Variants in CHEK2 observed in about 807,000 individuals in gnomAD.
The protein encoded by CHEK2 is serine/threonine-protein kinase Chk2.
A neutral mutation model predicts 69.1 loss-of-function variants in CHEK2; 71 were observed. That is an observed-to-expected ratio of 1.03 (90% CI 0.85 to 1.25). The LOEUF is 1.25. CHEK2 is among the 50% of genes most tolerant of loss of function. CHEK2 has a pLI of 0.00. For missense variants in CHEK2, 664 were observed against 649.6 expected (o/e 1.02, Z -0.24); for synonymous variants, 189 against 226.9 (o/e 0.83, Z 1.50).
Position 28,719,536 on chromosome 22 carries a change from C to T in CHEK2, c.593-51G>A, listed in dbSNP as rs768118518. On this transcript the variant is annotated intron_variant, in intron 4 of 14. Coordinates refer to ENST00000404276, the MANE Select transcript of CHEK2 (RefSeq NM_007194.4). ...GTTTCATTAATTTATTCACAAGAGG[C>T]GATCACTGATTCTAAAATTTATTCA... 34 of 1,030,342 alleles carry T rather than the reference C, an allele frequency of 3.3e-5. No individual in the cohort carries two copies. In the East Asian group the frequency reaches 6.4e-4, roughly 19 times the overall value. 63.8% of individuals were successfully genotyped at this position (1,030,342 alleles called of 1,614,324 possible).
At chr22:28,693,679 C>T (rs371425086) in intron 13 of CHEK2, among the ~76,000 whole-genome samples, 2 of 152,168 alleles carry the variant, frequency 1.3e-5, no homozygotes, top group African/African-American at 2.4e-5. Context: ...GCCAGCACGG[C>T]GAAACCCCAT....
At chr22:28,726,380 TAAAC>T (rs2054012058) in intron 2 of CHEK2, 2 of 147,876 alleles carry the variant, frequency 1.4e-5, no homozygotes, top group South Asian at 4.2e-4. Flanking sequence ...AAAAAATAAA[TAAAC>T]AAATATTTAA....
At chr22:28,708,025 G>C (rs1489011232) in intron 7 of CHEK2, among the ~76,000 whole-genome samples, 1 of 151,772 alleles carries the variant, frequency 6.6e-6, no homozygotes, top group Non-Finnish European at 1.5e-5. Context: ...ATTTTTAGTA[G>C]AGACGGGATT....
At position 28,694,027 on chromosome 22, in the gene CHEK2, C is replaced by A. The variant is rs769841229; in HGVS notation, c.1461+5G>T. 6.3e-7 allele frequency: 1 copy of A among 1,588,812 alleles called. No homozygotes were observed. Among genetic ancestry groups the A allele is most frequent in the East Asian group, 2.2e-5 (1 of 44,822 alleles). On this transcript the variant is annotated splice_donor_5th_base_variant and intron_variant, in intron 13 of 14. Coordinates refer to ENST00000404276, the MANE Select transcript of CHEK2 (RefSeq NM_007194.4). ...TTATGCTAGCAGGCACTGTCCCACA[C>A]CCACCTGAAGCCACGGGTGTCTTAA... is the stretch of plus-strand genomic sequence containing the variant.
chr22:28,723,327 G>C (rs889233322), intron 4 of CHEK2, among the ~76,000 whole-genome samples: 2 of 152,146 alleles, frequency 1.3e-5, no homozygotes, highest in African/African-American at 4.8e-5. Flanking sequence ...GGCCGGGCGC[G>C]GTGGCTCACG....
At chr22:28,709,100 G>A (rs747202605) in intron 7 of CHEK2, 3 of 189,330 alleles carry the variant, frequency 1.6e-5, no homozygotes, top group South Asian at 7.3e-5. Context: ...AGGAAGAAAC[G>A]GGAAAAAAAC....
intron 2 of CHEK2, chr22:28,729,366 C>T (rs1276580731): frequency 1.1e-5 from 2 of 183,278 alleles, no homozygotes; most frequent in Admixed American, 1.3e-4. Flanking sequence ...CACGGTGAAA[C>T]CCCGTCTCTA....
At chr22:28,688,753 C>A (rs2052225108) in intron 14 of CHEK2, among the ~76,000 whole-genome samples, 1 of 152,098 alleles carries the variant, frequency 6.6e-6, no homozygotes, top group Admixed American at 6.6e-5. Flanking sequence ...AAAAGCAGGA[C>A]TGGAATTAAC....
intron 7 of CHEK2, among the ~76,000 whole-genome samples, chr22:28,708,478 G>T (rs777112867): frequency 2.6e-5 from 4 of 151,314 alleles, no homozygotes; most frequent in Non-Finnish European, 5.9e-5. Flanking sequence ...AAAAGAAACA[G>T]AAGAAAGCCA....
chr22:28,738,544 C>T (rs919785369), intron 1 of CHEK2, among the ~76,000 whole-genome samples: 3 of 152,052 alleles, frequency 2.0e-5, no homozygotes, highest in Non-Finnish European at 4.4e-5. Context: ...TGTAATACTC[C>T]CCCCACCCAC....
intron 2 of CHEK2, among the ~76,000 whole-genome samples, chr22:28,725,952 C>A (rs1028883009): frequency 2.0e-5 from 3 of 148,392 alleles, no homozygotes; most frequent in East Asian, 2.0e-4. Context: ...TGCCTGTAAT[C>A]CCAGCACTTT....
intron 4 of CHEK2, chr22:28,721,418 C>T (rs1042120133): frequency 1.7e-4 from 51 of 298,964 alleles, no homozygotes; most frequent in Middle Eastern, 1.5e-3. Flanking sequence ...CCCTGAGTAG[C>T]TGGGATTACA....
chr22:28,711,583 T>C (rs997639167), intron 6 of CHEK2, among the ~76,000 whole-genome samples: 1 of 152,158 alleles, frequency 6.6e-6, no homozygotes, highest in Non-Finnish European at 1.5e-5. Flanking sequence ...GTGGGGATTA[T>C]GGCTGAATTT....
intron 6 of CHEK2, among the ~76,000 whole-genome samples, chr22:28,711,010 T>A (rs1601780152): frequency 6.6e-6 from 1 of 152,314 alleles, no homozygotes; most frequent in South Asian, 2.1e-4. Context: ...GAAATTCCTC[T>A]TGCCATGTGA....
At chr22:28,722,398 GGC>G (rs1344393183) in intron 4 of CHEK2, among the ~76,000 whole-genome samples, 5 of 151,900 alleles carry the variant, frequency 3.3e-5, no homozygotes, top group African/African-American at 1.2e-4. Context: ...AAATTAGCCG[GGC>G]GCAGTGGCGG....
At chr22:28,688,119 T>C (rs1244902516) in intron 14 of CHEK2, 133 bp from the exon 15 acceptor site, 2 of 713,718 alleles carry the variant, frequency 2.8e-6, no homozygotes, top group Non-Finnish European at 4.8e-6. Context: ...AAATTACTGG[T>C]TGTCATCATT....
rs781593101 is a variant in CHEK2 at position 28,687,948 on chromosome 22, G to A, written c.1581C>T (p.Ala527=). The A allele has an allele frequency of 1.8e-5, 29 of 1,596,220 alleles. No homozygotes were observed. Among genetic ancestry groups the A allele is most frequent in the Admixed American group, 5.0e-5 (3 of 59,988 alleles). The change falls in exon 15 of 15, where the codon GCC becomes GCT. Residue 527 remains alanine (A), a synonymous_variant. Transcript: ENST00000404276. ...GGCGCTTTGTGGTCTCGGCACCCTC[G>A]GCTTCCCCTTCACGGGGCCGCTTTC... ...TSRKRPREGE[A]EGAETTKRPA...
chr22:28,696,256 C>G (rs776528494), intron 10 of CHEK2, among the ~76,000 whole-genome samples: 7 of 152,328 alleles, frequency 4.6e-5, no homozygotes, highest in Non-Finnish European at 8.8e-5. Flanking sequence ...CATGCTTATA[C>G]CTGAGTGCCA....
At chr22:28,711,160 C>G (rs2053376617) in intron 6 of CHEK2, among the ~76,000 whole-genome samples, 1 of 152,044 alleles carries the variant, frequency 6.6e-6, no homozygotes, top group Non-Finnish European at 1.5e-5. Flanking sequence ...GTGGAAAGAC[C>G]AATGCATTTG....
Sources: gnomAD v4.1 joint callset for allele counts (sites outside exome capture counted in the v4.1 genomes callset) on GRCh38, gnomAD v4.1.1 for gene constraint, MANE v1.5 for transcripts, NCBI Gene and HGNC (gene_info 2026-07-23, HGNC 2026-07-21) for gene names.